Variants in ZEB1 observed in about 807,000 individuals in gnomAD.
ZEB1 encodes zinc finger E-box-binding homeobox 1.
A neutral mutation model predicts 84.9 loss-of-function variants in ZEB1; 21 were observed. The observed-to-expected ratio is 0.25, with a 90% CI of 0.18 to 0.36. ZEB1 has a LOEUF of 0.36. ZEB1 is among the 10% of genes least tolerant of loss of function. The pLI, the probability that ZEB1 is intolerant of heterozygous loss-of-function variation, is 1.00. For missense variants in ZEB1, 1,104 were observed against 1,330.2 expected (o/e 0.83, Z 2.65); for synonymous variants, 420 against 471.1 (o/e 0.89, Z 1.41).
chr10:31,367,247 A>G (rs1400262641), intron 1 of ZEB1, among the ~76,000 whole-genome samples: 1 of 152,136 alleles, frequency 6.6e-6, no homozygotes, highest in Non-Finnish European at 1.5e-5. Flanking sequence ...ATAAGATGAT[A>G]CTGGTATACG....
At chr10:31,471,779 C>T (rs1384408620) in intron 2 of ZEB1, among the ~76,000 whole-genome samples, 1 of 142,170 alleles carries the variant, frequency 7.0e-6, no homozygotes, top group East Asian at 2.0e-4. Context: ...CACCACACCA[C>T]ACCTATTCCA....
intron 1 of ZEB1, chr10:31,361,100 G>T: frequency 5.0e-6 from 8 of 1,611,934 alleles, no homozygotes; most frequent in Non-Finnish European, 5.9e-6. Flanking sequence ...TTACAAGAAC[G>T]ATCTGATCTT....
chr10:31,375,140 A>G (rs1250786830), intron 1 of ZEB1, among the ~76,000 whole-genome samples: 3 of 151,276 alleles, frequency 2.0e-5, no homozygotes, highest in African/African-American at 4.8e-5. Context: ...TCCAAAGAGC[A>G]TTTGGATGTC....
At chr10:31,487,953 C>A (rs779124855) in intron 2 of ZEB1, among the ~76,000 whole-genome samples, 4 of 151,196 alleles carry the variant, frequency 2.6e-5, no homozygotes, top group Non-Finnish European at 5.9e-5. Context: ...AGGCTTTATT[C>A]TCTGAAAAGC....
intron 1 of ZEB1, among the ~76,000 whole-genome samples, chr10:31,365,868 A>G (rs2044370985): frequency 6.6e-6 from 1 of 152,224 alleles, no homozygotes; most frequent in Admixed American, 6.5e-5. Flanking sequence ...TGTATGCTCT[A>G]CTGAATATAG....
At position 31,521,362 on chromosome 10, in the gene ZEB1, A is replaced by C. The variant is rs536978134; in HGVS notation, c.2030A>C (p.Asn677Thr). Residue 677 changes from asparagine to threonine, a missense_variant, in exon 7 of 9, where the codon AAT (asparagine) becomes ACT (threonine). Physicochemically the swap from Asn to Thr is moderately conservative, Grantham distance 65 (BLOSUM62 0). Coordinates refer to ENST00000424869, the MANE Select transcript of ZEB1 (RefSeq NM_001174096.2). ...AATGAACCCCAGGACAGCACAGTAA[A>C]TCTACAAAGTCCTTTGAAGATGACT... ...NANEPQDSTVNLQSPLKMTNS... is the reference protein window; with the variant it reads ...NANEPQDSTVTLQSPLKMTNS... 23 of 1,614,084 alleles carry C rather than the reference A, an allele frequency of 1.4e-5. No homozygotes were observed. Among genetic ancestry groups the C allele is most frequent in the Admixed American group, 1.2e-4 (7 of 60,004 alleles).
chr10:31,427,676 A>T (rs2057135801), intron 1 of ZEB1, among the ~76,000 whole-genome samples: 1 of 151,962 alleles, frequency 6.6e-6, no homozygotes, highest in Non-Finnish European at 1.5e-5. Flanking sequence ...ACATGGTGAA[A>T]CCCCATCTCT....
At chr10:31,518,395 T>G (rs1014269993) in intron 6 of ZEB1, among the ~76,000 whole-genome samples, 1 of 152,132 alleles carries the variant, frequency 6.6e-6, no homozygotes, top group Non-Finnish European at 1.5e-5. Context: ...TTTGAAGGTT[T>G]GACTTGAGAA....
At chr10:31,330,171 C>T (rs1249170143) in intron 1 of ZEB1, among the ~76,000 whole-genome samples, 1 of 152,138 alleles carries the variant, frequency 6.6e-6, no homozygotes, top group African/African-American at 2.4e-5. Flanking sequence ...CCATTTAGGT[C>T]TGTAATCCAT....
intron 1 of ZEB1, among the ~76,000 whole-genome samples, chr10:31,342,523 A>G (rs1006161632): frequency 1.3e-5 from 2 of 152,096 alleles, no homozygotes; most frequent in Non-Finnish European, 2.9e-5. Context: ...GGAGTAAAGG[A>G]TGTTTATTAT....
chr10:31,355,809 T>C (rs2042024690), intron 1 of ZEB1, among the ~76,000 whole-genome samples: 1 of 152,172 alleles, frequency 6.6e-6, no homozygotes, highest in Non-Finnish European at 1.5e-5. Flanking sequence ...TTATGCATTC[T>C]TCAGGATTTT....
At position 31,478,645 on chromosome 10, in the gene ZEB1, A is replaced by G. The variant is rs79285092; in HGVS notation, c.260-17131A>G. ...ATTGGATAAAGAAAATGTGGTCCAT[A>G]TATACCATGAAATACTATGCAGTCA... On this transcript the variant is annotated intron_variant, in intron 2 of 8. Transcript: ENST00000424869. Among the ~76,000 whole-genome samples, 8 of 152,120 alleles carry G rather than the reference A, an allele frequency of 5.3e-5. No homozygotes were observed. In the East Asian group the frequency reaches 1.4e-3, roughly 26 times the overall value.
intron 1 of ZEB1, chr10:31,321,741 G>T: frequency 1.5e-6 from 1 of 663,500 alleles, no homozygotes; most frequent in Non-Finnish European, 2.6e-6. Flanking sequence ...TATTACACTC[G>T]TAAGGCATAT....
intron 1 of ZEB1, among the ~76,000 whole-genome samples, chr10:31,446,783 T>A (rs1448528569): frequency 6.6e-6 from 1 of 151,014 alleles, no homozygotes; most frequent in African/African-American, 2.4e-5. Flanking sequence ...AGAGATAGTT[T>A]GTTACAATTT....
intron 1 of ZEB1, among the ~76,000 whole-genome samples, chr10:31,339,663 A>C (rs1309276630): frequency 1.3e-5 from 2 of 151,896 alleles, no homozygotes; most frequent in Non-Finnish European, 2.9e-5. Flanking sequence ...TCAGCTACTC[A>C]GGAGGCTGAG....
intron 1 of ZEB1, among the ~76,000 whole-genome samples, chr10:31,364,893 G>C (rs11008473): frequency 1.3e-5 from 2 of 152,128 alleles, no homozygotes; most frequent in African/African-American, 4.8e-5. Context: ...TGCACACCTC[G>C]AAGGAGGTCT....
At chr10:31,402,387 A>T (rs1165221993) in intron 1 of ZEB1, among the ~76,000 whole-genome samples, 1 of 152,134 alleles carries the variant, frequency 6.6e-6, no homozygotes, top group African/African-American at 2.4e-5. Context: ...AGAAAAAAAA[A>T]ATTGATGATC....
chr10:31,455,087 A>G (rs990847875), intron 1 of ZEB1, among the ~76,000 whole-genome samples: 8 of 152,198 alleles, frequency 5.3e-5, no homozygotes, highest in African/African-American at 1.9e-4. Flanking sequence ...GGAACAGAAC[A>G]GAGGCCTCAG....
intron 2 of ZEB1, among the ~76,000 whole-genome samples, chr10:31,478,928 GT>G (rs2138366045): frequency 1.3e-5 from 2 of 151,936 alleles, no homozygotes; most frequent in South Asian, 4.1e-4. Context: ...GGTACAGCTT[GT>G]TCACTGTTTG....
Sources: gnomAD v4.1 joint callset for allele counts (sites outside exome capture counted in the v4.1 genomes callset) on GRCh38, gnomAD v4.1.1 for gene constraint, MANE v1.5 for transcripts, NCBI Gene and HGNC (gene_info 2026-07-23, HGNC 2026-07-21) for gene names.